The following CLIC2 variants were observed in gnomAD, a reference collection of about 807,000 sequenced individuals.
CLIC2 encodes chloride intracellular channel protein 2.
In CLIC2, 9 loss-of-function variants were observed where a neutral mutation model predicts 14.8. The ratio of observed to expected loss-of-function variants is 0.61; its 90% CI spans 0.37 to 1.06. The LOEUF (loss-of-function observed/expected upper bound fraction) is 1.06. Among genes scored for constraint, CLIC2 ranks in the 50% least tolerant of loss-of-function variants. The probability of loss-of-function intolerance (pLI) is 0.01; values close to 1 mark genes in which losing one functional copy is unlikely to be tolerated. For synonymous variants in CLIC2, 61 were observed against 66.3 expected (o/e 0.92, Z 0.39); for missense variants, 148 against 181.4 (o/e 0.82, Z 1.06).
At chrX:155,321,272 C>T (rs2075113500) in intron 1 of CLIC2, among the ~76,000 whole-genome samples, 1 of 111,141 alleles carries the variant, frequency 9.0e-6, no homozygotes, top group African/African-American at 3.3e-5. Flanking sequence ...TCAGATTCAC[C>T]AAGGTTGAAA....
At chrX:155,296,214 A>G (rs2074991412) in intron 3 of CLIC2, among the ~76,000 whole-genome samples, 1 of 111,717 alleles carries the variant, frequency 9.0e-6, no homozygotes, top group Non-Finnish European at 1.9e-5. Context: ...AAATTCACAT[A>G]TTTACTGCCA....
At chrX:155,288,050 C>T (rs1173792296) in intron 3 of CLIC2, among the ~76,000 whole-genome samples, 1 of 111,876 alleles carries the variant, frequency 8.9e-6, no homozygotes, top group Non-Finnish European at 1.9e-5. Context: ...GGGCTCTCAG[C>T]TTGGCTGATG....
intron 3 of CLIC2, among the ~76,000 whole-genome samples, chrX:155,280,537 A>G (rs1371036305): frequency 3.6e-5 from 4 of 110,761 alleles, no homozygotes; most frequent in Non-Finnish European, 7.6e-5. Flanking sequence ...TACTAAAAAT[A>G]CAAACATTAG....
At chrX:155,322,707 G>T (rs782587548) in intron 1 of CLIC2, among the ~76,000 whole-genome samples, 1 of 111,546 alleles carries the variant, frequency 9.0e-6, no homozygotes, top group African/African-American at 3.3e-5. Context: ...TAAGATCAGA[G>T]CACAAGTGAA....
intron 3 of CLIC2, among the ~76,000 whole-genome samples, chrX:155,297,613 C>T (rs1295906334): frequency 1.9e-5 from 2 of 102,711 alleles, no homozygotes; most frequent in Non-Finnish European, 4.0e-5. Flanking sequence ...GAGGCCGAGG[C>T]CGGTGGATCA....
intron 1 of CLIC2, 62 bp downstream of exon 1, chrX:155,334,309 T>C (rs2075166763): frequency 5.6e-6 from 5 of 894,274 alleles, no homozygotes; most frequent in Admixed American, 4.4e-5. Flanking sequence ...TTTAAAGACA[T>C]TGGACTTCAG....
chrX:155,329,545 C>T lies in CLIC2; in HGVS notation c.57+4826G>A, dbSNP rs936930546. On this transcript the variant is annotated intron_variant, in intron 1 of 5. Coordinates refer to ENST00000369449, the MANE Select transcript of CLIC2 (RefSeq NM_001289.6). ...AAAGACAGGAAATAACAAACGCTGG[C>T]GAGGATATAGAGAAAAGGGAATCCT... 1.1e-4 allele frequency among the ~76,000 whole-genome samples: 12 copies of T among 107,865 alleles called. No homozygotes were observed. The Admixed American group carries it at 1.2e-3, about 11-fold the overall frequency. The allele number at this position is 107,865 out of a possible 115,157, so 93.7% of individuals were successfully genotyped here.
At chrX:155,320,932 G>A (rs1321454622) in intron 1 of CLIC2, among the ~76,000 whole-genome samples, 1 of 111,532 alleles carries the variant, frequency 9.0e-6, no homozygotes. Flanking sequence ...AGTATCAATA[G>A]CCAAATCAAT....
intron 1 of CLIC2, among the ~76,000 whole-genome samples, chrX:155,319,571 G>A (rs1025359228): frequency 8.9e-6 from 1 of 112,327 alleles, no homozygotes; most frequent in East Asian, 2.8e-4. Flanking sequence ...AGCAGACCAG[G>A]AGATTCCCTC....
rs782630111 is a variant in CLIC2, at chrX:155,279,284, G to A, written c.447C>T (p.Tyr149=). The A allele has an allele frequency of 2.0e-5, 24 of 1,210,209 alleles. No homozygotes were observed. The highest frequency in any genetic ancestry group is 2.2e-5 in the Non-Finnish European group (20 of 893,975). The stretch of plus-strand genomic sequence containing the variant: ...TTTCATCCAGAAGTGGGGTGTTTAA[G>A]TAGTCATCCAGACGCTTGAATTCTT... ...LLKEFKRLDD[Y]LNTPLLDEID... The change falls in exon 5 of 6, where the codon TAC becomes TAT. Residue 149 remains tyrosine (Y), a synonymous_variant. Coordinates refer to ENST00000369449, the MANE Select transcript of CLIC2 (RefSeq NM_001289.6).
At chrX:155,282,469 T>C (rs782815723) in intron 3 of CLIC2, among the ~76,000 whole-genome samples, 1 of 111,039 alleles carries the variant, frequency 9.0e-6, no homozygotes, top group African/African-American at 3.3e-5. Flanking sequence ...CACAGTAAAG[T>C]CTAGCCCTGG....
intron 1 of CLIC2, among the ~76,000 whole-genome samples, chrX:155,307,583 C>T (rs1444199132): frequency 8.9e-6 from 1 of 112,114 alleles, no homozygotes; most frequent in Non-Finnish European, 1.9e-5. Context: ...AACTACCCAA[C>T]TTTAAAAATG....
chrX:155,322,208 G>A lies in CLIC2; in HGVS notation c.57+12163C>T, dbSNP rs781939486. Among the ~76,000 whole-genome samples, 359 of 111,137 alleles carry A rather than the reference G, an allele frequency of 3.2e-3. 1 individual carries two copies. Among genetic ancestry groups the A allele is most frequent in the African/African-American group, 7.7e-3 (236 of 30,563 alleles). ...AACTCAGCTCCGGACCAAGCAGACC[G>A]AATAGACATCTACAGAACTCTCCAC... On this transcript the variant is annotated intron_variant, in intron 1 of 5. Transcript: ENST00000369449.
intron 1 of CLIC2, among the ~76,000 whole-genome samples, chrX:155,306,858 T>G (rs782592325): frequency 9.0e-5 from 10 of 111,236 alleles, no homozygotes; most frequent in African/African-American, 3.3e-4. Context: ...ATCCAAACAC[T>G]TTCCACCATG....
At chrX:155,319,735 G>T (rs1038698754) in intron 1 of CLIC2, among the ~76,000 whole-genome samples, 4 of 111,439 alleles carry the variant, frequency 3.6e-5, no homozygotes, top group Non-Finnish European at 7.6e-5. Flanking sequence ...TGGAAAGGGG[G>T]CTGAAGCTAG....
chrX:155,291,896 A>G (rs1557317661), intron 3 of CLIC2, among the ~76,000 whole-genome samples: 2 of 112,238 alleles, frequency 1.8e-5, no homozygotes, highest in Non-Finnish European at 3.8e-5. Context: ...GGATGTCAGG[A>G]GCGCTGCCGC....
chrX:155,300,056 T>C (rs1475795561), intron 1 of CLIC2, among the ~76,000 whole-genome samples: 1 of 109,115 alleles, frequency 9.2e-6, no homozygotes, highest in Non-Finnish European at 1.9e-5. Flanking sequence ...TGTGTCTTTA[T>C]AGCAGCATGA....
intron 1 of CLIC2, among the ~76,000 whole-genome samples, chrX:155,308,605 G>A (rs782396085): frequency 1.3e-4 from 14 of 111,529 alleles, no homozygotes; most frequent in Non-Finnish European, 2.4e-4. Flanking sequence ...GACTATCTCA[G>A]GGCATTTAAC....
rs1602924015 is a variant in CLIC2 at position 155,279,034 on chromosome X, A to T, written c.582+115T>A. 9 of 587,196 alleles carry T rather than the reference A, an allele frequency of 1.5e-5. No homozygotes were observed. In the East Asian group the frequency reaches 2.9e-4, roughly 19 times the overall value. 48.4% of individuals were successfully genotyped at this position (587,196 alleles called of 1,213,427 possible). A position where few individuals can be genotyped will look rare whatever the true frequency, so the allele number is the denominator to read the frequency against. The stretch of plus-strand genomic sequence containing the variant: ...AGAGATGTATATAGTACACATGATG[A>T]TGATGATAATGACAAAGCTATAATA... On this transcript the variant is annotated intron_variant, in intron 5 of 5. Coordinates refer to ENST00000369449, the MANE Select transcript of CLIC2 (RefSeq NM_001289.6).
Sources: gnomAD v4.1 joint callset for allele counts (sites outside exome capture counted in the v4.1 genomes callset) on GRCh38, gnomAD v4.1.1 for gene constraint, MANE v1.5 for transcripts, NCBI Gene and HGNC (gene_info 2026-07-23, HGNC 2026-07-21) for gene names.